The following ZNF385B variants were observed in gnomAD, a reference collection of about 807,000 sequenced individuals.
The protein encoded by ZNF385B is zinc finger protein 385B.
Under a neutral mutation model 39.2 loss-of-function variants are expected in ZNF385B, and 23 were observed. The observed-to-expected ratio is 0.59, with a 90% CI of 0.42 to 0.83. The LOEUF (loss-of-function observed/expected upper bound fraction) is 0.83. Among genes scored for constraint, ZNF385B ranks in the 40% least tolerant of loss-of-function variants. The probability of loss-of-function intolerance (pLI) is 0.00; values close to 1 mark genes in which losing one functional copy is unlikely to be tolerated. For missense variants in ZNF385B, 552 were observed against 598.9 expected, an observed-to-expected ratio of 0.92 and a Z score of 0.82; for synonymous variants, 205 against 222.6, an observed-to-expected ratio of 0.92 and a Z score of 0.70.
chr2:179,503,542 A>C (rs1490073510), intron 5 of ZNF385B, among the ~76,000 whole-genome samples: 2 of 152,160 alleles, frequency 1.3e-5, no homozygotes, highest in African/African-American at 2.4e-5. Context: ...AAATTCAGTA[A>C]TTCTATTCTA....
intron 1 of ZNF385B, among the ~76,000 whole-genome samples, chr2:179,833,895 G>T (rs1032625682): frequency 1.3e-5 from 2 of 152,036 alleles, no homozygotes; most frequent in African/African-American, 2.4e-5. Context: ...CATTCTAAGG[G>T]CAAAAAGAAC....
chr2:179,537,321 TA>T (rs1222990610), intron 4 of ZNF385B, among the ~76,000 whole-genome samples: 72 of 124,004 alleles, frequency 5.8e-4, no homozygotes, highest in South Asian at 1.0e-3. Context: ...AAAAAATAAA[TA>T]AAAAAAAAAT....
intron 3 of ZNF385B, among the ~76,000 whole-genome samples, chr2:179,628,789 A>G (rs1210169736): frequency 6.6e-6 from 1 of 152,190 alleles, no homozygotes; most frequent in African/African-American, 2.4e-5. Context: ...TCTTCTGTAG[A>G]GCAGACATTT....
At chr2:179,675,832 G>T (rs1473248127) in intron 3 of ZNF385B, among the ~76,000 whole-genome samples, 1 of 151,650 alleles carries the variant, frequency 6.6e-6, no homozygotes. Flanking sequence ...TCTGTCACCA[G>T]GCTAGAGTGC....
At chr2:179,674,704 T>C (rs1696511931) in intron 3 of ZNF385B, among the ~76,000 whole-genome samples, 1 of 152,222 alleles carries the variant, frequency 6.6e-6, no homozygotes, top group Admixed American at 6.5e-5. Context: ...TTCCTTATGT[T>C]ACCATTACTG....
intron 3 of ZNF385B, among the ~76,000 whole-genome samples, chr2:179,718,425 A>T (rs1700468514): frequency 6.8e-6 from 1 of 148,042 alleles, no homozygotes; most frequent in Admixed American, 6.8e-5. Flanking sequence ...ATAAAGATAT[A>T]TATATTTCTT....
chr2:179,766,882 G>A (rs1228423870), intron 3 of ZNF385B, among the ~76,000 whole-genome samples: 1 of 152,136 alleles, frequency 6.6e-6, no homozygotes, highest in African/African-American at 2.4e-5. Flanking sequence ...TTAGGCGCTT[G>A]CTTTGTCAGT....
At chr2:179,745,740 T>A (rs992845249) in intron 3 of ZNF385B, 2 of 1,543,662 alleles carry the variant, frequency 1.3e-6, no homozygotes, top group Non-Finnish European at 1.7e-6. Context: ...CTCCACATCC[T>A]GGCAGGGCTC....
intron 3 of ZNF385B, among the ~76,000 whole-genome samples, chr2:179,731,283 T>C (rs997692828): frequency 4.6e-5 from 7 of 152,202 alleles, no homozygotes; most frequent in East Asian, 1.9e-4. Flanking sequence ...CTGGATGAGG[T>C]ACATTTCATA....
chr2:179,462,484 T>G (rs960334407), intron 6 of ZNF385B, among the ~76,000 whole-genome samples: 2 of 152,076 alleles, frequency 1.3e-5, no homozygotes, highest in South Asian at 4.1e-4. Flanking sequence ...GTCTCCTCCT[T>G]ACCTACACAT....
At chr2:179,715,365 A>C (rs1472986993) in intron 3 of ZNF385B, among the ~76,000 whole-genome samples, 3 of 152,196 alleles carry the variant, frequency 2.0e-5, no homozygotes, top group Non-Finnish European at 4.4e-5. Context: ...TTTGCTCTTT[A>C]GTCTAAATGT....
chr2:179,559,239 G>A (rs1022635200), intron 3 of ZNF385B, among the ~76,000 whole-genome samples: 1 of 152,120 alleles, frequency 6.6e-6, no homozygotes, highest in African/African-American at 2.4e-5. Context: ...ACACTCCTGT[G>A]GGCGACTGGA....
chr2:179,826,668 T>A (rs1707700185), intron 1 of ZNF385B, among the ~76,000 whole-genome samples: 1 of 152,098 alleles, frequency 6.6e-6, no homozygotes, highest in Non-Finnish European at 1.5e-5. Context: ...TTTTGTTTCA[T>A]TCTTTTTTTT....
At chr2:179,638,125 A>G (rs1341985004) in intron 3 of ZNF385B, among the ~76,000 whole-genome samples, 2 of 152,242 alleles carry the variant, frequency 1.3e-5, no homozygotes, top group Non-Finnish European at 2.9e-5. Flanking sequence ...AGATGAATAA[A>G]TTCGAGAGGT....
intron 3 of ZNF385B, among the ~76,000 whole-genome samples, chr2:179,748,524 C>T (rs1702505681): frequency 6.6e-6 from 1 of 151,900 alleles, no homozygotes; most frequent in Non-Finnish European, 1.5e-5. Context: ...CAGACACAAA[C>T]AAAAAAATAA....
chr2:179,691,502 A>C (rs2222033), intron 3 of ZNF385B, among the ~76,000 whole-genome samples: 144,308 of 152,252 alleles, frequency 0.95, 68,407 homozygotes, highest in East Asian at 1. Flanking sequence ...TGATCTAGAT[A>C]CTGGAGAAAC....
intron 3 of ZNF385B, among the ~76,000 whole-genome samples, chr2:179,700,363 A>T (rs1699095411): frequency 6.6e-6 from 1 of 152,138 alleles, no homozygotes. Flanking sequence ...TAACTTTTCC[A>T]ATGCCTGAGT....
At chr2:179,600,104 A>G (rs1328054435) in intron 3 of ZNF385B, among the ~76,000 whole-genome samples, 1 of 152,230 alleles carries the variant, frequency 6.6e-6, no homozygotes, top group African/African-American at 2.4e-5. Context: ...CTAAATGGAA[A>G]CAACTCTAAA....
At chr2:179,818,964 G>A (rs1234517873) in intron 1 of ZNF385B, among the ~76,000 whole-genome samples, 1 of 151,130 alleles carries the variant, frequency 6.6e-6, no homozygotes, top group East Asian at 2.0e-4. Flanking sequence ...TTGGAATTCG[G>A]CTATTATTTT....
Sources: gnomAD v4.1 joint callset for allele counts (sites outside exome capture counted in the v4.1 genomes callset) on GRCh38, gnomAD v4.1.1 for gene constraint, MANE v1.5 for transcripts, NCBI Gene and HGNC (gene_info 2026-07-23, HGNC 2026-07-21) for gene names.